Variants in SYNE1 observed in about 807,000 individuals in gnomAD.
SYNE1 encodes spectrin repeat containing nuclear envelope protein 1, also known as nesprin-1.
A neutral mutation model predicts 1,111.0 loss-of-function variants in SYNE1; 616 were observed. The ratio of observed to expected loss-of-function variants is 0.55; its 90% confidence interval spans 0.52 to 0.59. SYNE1 has a LOEUF of 0.59. Ranked by LOEUF, SYNE1 falls within the 20% of genes least tolerant of loss-of-function variation. SYNE1 has a pLI of 0.00. For synonymous variants in SYNE1, 3,855 were observed against 3,825.8 expected (o/e 1.01, Z -0.28); for missense variants, 10,006 against 10,417.0 (o/e 0.96, Z 1.72).
intron 142 of SYNE1, 117 bp from the exon 143 acceptor site, chr6:152,133,605 G>T: frequency 9.9e-7 from 1 of 1,011,048 alleles, no homozygotes; most frequent in Non-Finnish European, 1.5e-6. Context: ...AGCATCAAAC[G>T]TGGAGCTCAC....
At chr6:152,227,039 A>G (rs1429658395) in intron 115 of SYNE1, among the ~76,000 whole-genome samples, 1 of 152,222 alleles carries the variant, frequency 6.6e-6, no homozygotes, top group African/African-American at 2.4e-5. Context: ...CATGATCCAT[A>G]CATGAGTAAT....
chr6:152,417,512 AC>A, intron 40 of SYNE1, among the ~76,000 whole-genome samples: 1 of 149,972 alleles, frequency 6.7e-6, no homozygotes, highest in East Asian at 2.0e-4. Context: ...AAACAAACAA[AC>A]AAACAAACAA....
intron 87 of SYNE1, 157 bp downstream of exon 87, chr6:152,316,692 T>C: frequency 1.4e-6 from 1 of 739,392 alleles, no homozygotes; most frequent in Non-Finnish European, 2.2e-6. Flanking sequence ...AGCTCCTTTC[T>C]GTCCAACTAC....
chr6:152,373,086 T>C lies in SYNE1; in HGVS notation c.9458A>G (p.Asp3153Gly). ...IQAKVTAAKE[D>G]WKNFHSNLHQ... is the part of the protein sequence containing the mutation. ...GAGATTTGAATGAAAATTTTTCCAA[T>C]CTTCTTTTGCAGCTGTAACTTTGGC... The change falls in exon 59 of 146, where the codon GAT becomes GGT. Residue 3153 changes from aspartate to glycine, a missense_variant. By Grantham distance (94) the Asp-to-Gly change is moderately conservative. Around this residue, in one of 7 missense-constraint regions of SYNE1, gnomAD observed 4,955 missense variants for 5,017.2 expected, o/e 0.99. Coordinates refer to ENST00000367255, the MANE Select transcript of SYNE1 (RefSeq NM_182961.4). 1 of 1,614,180 alleles carries C rather than the reference T, an allele frequency of 6.2e-7. No individual in the cohort carries two copies. The highest frequency in any genetic ancestry group is 8.5e-7 in the Non-Finnish European group (1 of 1,180,040).
intron 3 of SYNE1, among the ~76,000 whole-genome samples, chr6:152,600,912 G>T (rs923544358): frequency 3.9e-5 from 6 of 152,160 alleles, no homozygotes; most frequent in African/African-American, 1.2e-4. Flanking sequence ...TTTTAGTAAA[G>T]AACTAAATGT....
chr6:152,556,290 C>G (rs1393720288), intron 3 of SYNE1, among the ~76,000 whole-genome samples: 1 of 152,176 alleles, frequency 6.6e-6, no homozygotes, highest in Non-Finnish European at 1.5e-5. Context: ...CATATCACCC[C>G]CTTCCCAAGC....
intron 121 of SYNE1, among the ~76,000 whole-genome samples, chr6:152,217,615 G>A (rs964903735): frequency 1.3e-5 from 2 of 152,010 alleles, no homozygotes; most frequent in Non-Finnish European, 2.9e-5. Flanking sequence ...GCGGCTGTAG[G>A]GTCTCAGAGA....
At chr6:152,194,547 T>C (rs2073576829) in intron 127 of SYNE1, among the ~76,000 whole-genome samples, 2 of 152,250 alleles carry the variant, frequency 1.3e-5, no homozygotes, top group South Asian at 4.1e-4. Flanking sequence ...TTGATATCTT[T>C]CTCTATGTTT....
chr6:152,363,415 A>T (rs2096979939), intron 63 of SYNE1, among the ~76,000 whole-genome samples: 1 of 150,122 alleles, frequency 6.7e-6, no homozygotes, highest in Admixed American at 6.6e-5. Flanking sequence ...AATGGCGTGA[A>T]CCCGGGAGGC....
chr6:152,311,327 C>A lies in SYNE1; in HGVS notation c.16711-454G>T, dbSNP rs991650491. Among the ~76,000 whole-genome samples, 3 of 152,026 alleles carry A rather than the reference C, an allele frequency of 2.0e-5. No homozygotes were observed. The South Asian group carries it at 6.2e-4, about 32-fold the overall frequency. On this transcript the variant is annotated intron_variant, in intron 87 of 145. Transcript: ENST00000367255. ...TTTGTCTAAGAAATGAAAATAAGAA[C>A]AAGAGCATTACAAGCAAAAACCTTG... is the stretch of plus-strand genomic sequence containing the variant.
rs2098467894 is a variant in SYNE1, at chr6:152,435,701, C to T, written c.4310+240G>A. 5.2e-6 allele frequency: 3 copies of T among 579,194 alleles called. No homozygotes were observed. The South Asian group carries it at 7.1e-5, about 14-fold the overall frequency. The allele number at this position is 579,194 out of a possible 1,614,324, so 35.9% of individuals were successfully genotyped here. ...CAGAATAGAATAGATATGGCTTTCT[C>T]ATGAACATGATCAGTTTAAGATGCA... On this transcript the variant is annotated intron_variant, in intron 33 of 145. Transcript: ENST00000367255.
At chr6:152,523,107 T>A (rs1003836877) in intron 5 of SYNE1, among the ~76,000 whole-genome samples, 3 of 152,120 alleles carry the variant, frequency 2.0e-5, no homozygotes, top group Non-Finnish European at 4.4e-5. Context: ...CTTAGGGTCT[T>A]AGTAAAAAAT....
chr6:152,606,976 C>CTTTTTTTTTTTTTTTTTTTTTTTTTTTT (rs11387272), intron 3 of SYNE1, among the ~76,000 whole-genome samples: 2 of 109,100 alleles, frequency 1.8e-5, no homozygotes, highest in African/African-American at 7.5e-5. Context: ...TGCCTCGGTT[C>CTTTTTTTTTTTTTTTTTTTTTTTTTTTT]TCTTTTTTTT....
chr6:152,377,608 TAAAAAAAAAAAAAAAAA>T (rs869031827), intron 56 of SYNE1, among the ~76,000 whole-genome samples: 3 of 31,370 alleles, frequency 9.6e-5, no homozygotes, highest in Non-Finnish European at 1.2e-4. Context: ...AACTCCGTCT[TAAAAAAAAAAAAAAAAA>T]AAAAAAAAAA....
chr6:152,143,195 T>A (rs1586046577), intron 138 of SYNE1, among the ~76,000 whole-genome samples: 1 of 152,240 alleles, frequency 6.6e-6, no homozygotes, highest in Admixed American at 6.5e-5. Flanking sequence ...AGAAAAACAT[T>A]CCCAAGGTCA....
chr6:152,251,090 T>C (rs765132603), intron 104 of SYNE1, among the ~76,000 whole-genome samples: 4 of 152,028 alleles, frequency 2.6e-5, no homozygotes, highest in East Asian at 2.0e-4. Flanking sequence ...GCTGGGACTA[T>C]AGGCATGCAC....
chr6:152,195,091 T>C (rs2073749511), intron 127 of SYNE1, among the ~76,000 whole-genome samples: 1 of 152,066 alleles, frequency 6.6e-6, no homozygotes. Flanking sequence ...TGGCTGATTT[T>C]TGTATTTTTA....
In SYNE1 at chr6:152,271,451, G is replaced by A. The variant is rs556262803; in HGVS notation, c.18574-2165C>T. Among the ~76,000 whole-genome samples the A allele has an allele frequency of 5.9e-5, 9 of 152,208 alleles. No individual in the cohort carries two copies. In the South Asian group the frequency reaches 1.5e-3, roughly 25 times the overall value. On this transcript the variant is annotated intron_variant, in intron 98 of 145. Transcript: ENST00000367255. ...GAGATTGCAGTTTAGGTAGAACAAC[G>A]GGGGTGCAATGGTCTAATATATGCT...
chr6:152,506,656 C>T (rs1269022020), intron 8 of SYNE1, among the ~76,000 whole-genome samples: 1 of 152,024 alleles, frequency 6.6e-6, no homozygotes, highest in Non-Finnish European at 1.5e-5. Flanking sequence ...ATTCTTGCAC[C>T]TCAGCCTCCC....
Sources: allele counts gnomAD v4.1 joint callset (sites outside exome capture counted in the v4.1 genomes callset), GRCh38; gene constraint gnomAD v4.1.1; regional missense constraint gnomAD v4.1.1; transcripts MANE v1.5; gene names NCBI Gene and HGNC (gene_info 2026-07-23, HGNC 2026-07-21).